Variants in SLC7A14 observed in about 807,000 individuals in gnomAD.
SLC7A14 encodes the protein gamma-aminobutyric acid transporter SLC7A14.
A neutral mutation model predicts 60.2 loss-of-function variants in SLC7A14; 37 were observed. The observed-to-expected ratio is 0.61, with a 90% CI of 0.47 to 0.81. The LOEUF is 0.81. Ranked by LOEUF, SLC7A14 falls within the 30% of genes least tolerant of loss-of-function variation. SLC7A14 has a pLI of 0.00. For missense variants in SLC7A14, 886 were observed against 982.7 expected, an observed-to-expected ratio of 0.90 and a Z score of 1.32; for synonymous variants, 399 against 395.8, an observed-to-expected ratio of 1.01 and a Z score of -0.10.
intron 4 of SLC7A14, chr3:170,495,509 CT>C: frequency 2.6e-6 from 2 of 777,842 alleles, no homozygotes; most frequent in Admixed American, 2.2e-5. Flanking sequence ...TTAGCAGCCG[CT>C]TTTACACGAA....
At chr3:170,528,738 C>G (rs1170546511) in intron 1 of SLC7A14, among the ~76,000 whole-genome samples, 1 of 152,190 alleles carries the variant, frequency 6.6e-6, no homozygotes, top group South Asian at 2.1e-4. Context: ...ATTTAACAGG[C>G]TAGAGTGTCT....
At chr3:170,542,788 C>A (rs772421190) in intron 1 of SLC7A14, among the ~76,000 whole-genome samples, 1 of 152,118 alleles carries the variant, frequency 6.6e-6, no homozygotes, top group Non-Finnish European at 1.5e-5. Flanking sequence ...AAAAGATCTT[C>A]GGAAGGACAT....
chr3:170,497,735 GT>G (rs1307464144), intron 4 of SLC7A14, among the ~76,000 whole-genome samples: 1 of 152,208 alleles, frequency 6.6e-6, no homozygotes, highest in East Asian at 1.9e-4. Context: ...CACAACATAA[GT>G]ATTTTTAGTC....
In SLC7A14 at chr3:170,480,651, A is replaced by G. The variant is rs746457289; in HGVS notation, c.1631T>C (p.Met544Thr). 9 of 1,614,134 alleles carry G rather than the reference A, an allele frequency of 5.6e-6. No homozygotes were observed. Among genetic ancestry groups the G allele is most frequent in the African/African-American group, 4.0e-5 (3 of 74,954 alleles). ...GCCTGGAAGGCCCAGCCGGATTCTCATGGTGTAATAATGAGGCCCAATCAG... is the reference window on the plus strand; with the variant it reads ...GCCTGGAAGGCCCAGCCGGATTCTCGTGGTGTAATAATGAGGCCCAATCAG... The part of the protein sequence containing the change: ...KKLIGPHYYT[M>T]RIRLGLPGKM... The change falls in exon 7 of 8, where the codon ATG (methionine) becomes ACG (threonine). Residue 544 changes from methionine (M) to threonine (T), a missense_variant. By Grantham distance (81) the Met-to-Thr change is moderately conservative (BLOSUM62 -1). Coordinates refer to ENST00000231706, the MANE Select transcript of SLC7A14 (RefSeq NM_020949.3).
intron 4 of SLC7A14, among the ~76,000 whole-genome samples, chr3:170,487,891 TG>T (rs1192283191): frequency 6.6e-6 from 1 of 152,216 alleles, no homozygotes; most frequent in Non-Finnish European, 1.5e-5. Flanking sequence ...TAACAATACC[TG>T]TGCCTGTGTC....
rs116281155 is a variant in SLC7A14, at chr3:170,476,062, C to T, written c.1993+4227G>A. ...CCCCGATGACATTGATGCTGCTGGTCTGGGGTCACACATTGAGGACCATTG... is the reference window on the plus strand; with the variant it reads ...CCCCGATGACATTGATGCTGCTGGTTTGGGGTCACACATTGAGGACCATTG... On this transcript the variant is annotated intron_variant, in intron 7 of 7. Transcript: ENST00000231706. Among the ~76,000 whole-genome samples the T allele has an allele frequency of 4.2e-3, 645 of 152,306 alleles. 7 individuals carry two copies. Among genetic ancestry groups the T allele is most frequent in the African/African-American group, 0.015 (614 of 41,566 alleles).
intron 4 of SLC7A14, among the ~76,000 whole-genome samples, chr3:170,488,745 C>T (rs377108101): frequency 9.9e-5 from 15 of 152,132 alleles, no homozygotes; most frequent in African/African-American, 3.4e-4. Flanking sequence ...ATGAAACTAC[C>T]ACAAGAAAAC....
intron 7 of SLC7A14, among the ~76,000 whole-genome samples, chr3:170,473,508 C>A (rs997729381): frequency 7.2e-5 from 11 of 152,168 alleles, no homozygotes; most frequent in African/African-American, 2.2e-4. Flanking sequence ...CACTTTCCAG[C>A]AGGAAGCTCT....
intron 2 of SLC7A14, among the ~76,000 whole-genome samples, chr3:170,517,075 C>T (rs1032472263): frequency 5.9e-5 from 9 of 152,142 alleles, no homozygotes; most frequent in South Asian, 4.2e-4. Flanking sequence ...TTAATATCCA[C>T]GTGATAGGAA....
chr3:170,565,832 GA>G (rs1313266515), intron 1 of SLC7A14, among the ~76,000 whole-genome samples: 1 of 152,064 alleles, frequency 6.6e-6, no homozygotes, highest in African/African-American at 2.4e-5. Flanking sequence ...ACAAGTGGAA[GA>G]GGGGGAAAAT....
At chr3:170,481,221 G>T (rs902550724) in intron 6 of SLC7A14, 55 bp from the exon 7 acceptor site, 12 of 1,543,522 alleles carry the variant, frequency 7.8e-6, no homozygotes, top group Non-Finnish European at 1.0e-5. Flanking sequence ...ACCGATTCCA[G>T]TGCAGCCAAC....
chr3:170,530,942 GA>G (rs1184603631), intron 1 of SLC7A14, among the ~76,000 whole-genome samples: 2 of 152,200 alleles, frequency 1.3e-5, no homozygotes, highest in Non-Finnish European at 2.9e-5. Context: ...GCCCGCTTTT[GA>G]GGGGTGGTGA....
chr3:170,466,971 G>T lies in SLC7A14; in HGVS notation c.*84C>A. 1 of 1,204,330 alleles carries T rather than the reference G, an allele frequency of 8.3e-7. No homozygotes were observed. The highest frequency in any genetic ancestry group is 1.2e-6 in the Non-Finnish European group (1 of 859,150). 74.6% of individuals were successfully genotyped at this position (1,204,330 alleles called of 1,614,324 possible). On this transcript the variant is annotated 3_prime_UTR_variant, in exon 8 of 8. Coordinates refer to ENST00000231706, the MANE Select transcript of SLC7A14 (RefSeq NM_020949.3). Reference sequence around the variant, plus strand: ...GGAAGGCTGGATTTGTGAAATGAGAGCCAAAAAAGTTTTCACCTTCTAGCC... The same window carrying T: ...GGAAGGCTGGATTTGTGAAATGAGATCCAAAAAAGTTTTCACCTTCTAGCC...
At chr3:170,529,155 A>T (rs1295253633) in intron 1 of SLC7A14, among the ~76,000 whole-genome samples, 1 of 152,258 alleles carries the variant, frequency 6.6e-6, no homozygotes, top group African/African-American at 2.4e-5. Context: ...ATAAACAACA[A>T]AGAACCACAT....
Position 170,464,116 on chromosome 3 carries a change from T to C in SLC7A14, c.*2939A>G, listed in dbSNP as rs1739663044. 6.6e-6 allele frequency: 1 copy of C among 152,264 alleles called. No individual in the cohort carries two copies. The highest frequency in any genetic ancestry group is 1.5e-5 in the Non-Finnish European group (1 of 68,044). The allele number at this position is 152,264 out of a possible 1,614,324, so 9.4% of individuals were successfully genotyped here. On this transcript the variant is annotated 3_prime_UTR_variant, in exon 8 of 8. Transcript: ENST00000231706. ...TTTCTGTTTCTATTTTTGTTTGCTC[T>C]GAGTTCCTCACTTAATTTTTGTTTT...
chr3:170,552,840 G>A (rs1170400803), intron 1 of SLC7A14, among the ~76,000 whole-genome samples: 1 of 152,116 alleles, frequency 6.6e-6, no homozygotes, highest in African/African-American at 2.4e-5. Context: ...GACTCTTTAT[G>A]GTCTGTAATA....
intron 1 of SLC7A14, among the ~76,000 whole-genome samples, chr3:170,555,463 TC>T (rs1714461546): frequency 1.3e-5 from 2 of 152,154 alleles, no homozygotes; most frequent in African/African-American, 4.8e-5. Context: ...GAATGGTTGT[TC>T]AACATTCCAC....
chr3:170,506,926 G>T (rs770381841), intron 2 of SLC7A14, among the ~76,000 whole-genome samples: 1 of 152,104 alleles, frequency 6.6e-6, no homozygotes, highest in Non-Finnish European at 1.5e-5. Flanking sequence ...ATAATATGAT[G>T]AATTCAATTA....
At position 170,526,648 on chromosome 3, in the gene SLC7A14, C is replaced by G; in HGVS notation, c.289G>C (p.Ala97Pro). 1 of 1,613,964 alleles carries G rather than the reference C, an allele frequency of 6.2e-7. No homozygotes were observed. Among genetic ancestry groups the G allele is most frequent in the Non-Finnish European group, 8.5e-7 (1 of 1,179,974 alleles). Reference sequence around the variant, plus strand: ...AGACACTTACCTGATAATATGGATGCGACGGCTGCAATGATGAAGGACACA... The same window carrying G: ...AGACACTTACCTGATAATATGGATGGGACGGCTGCAATGATGAAGGACACA... ...VIVSFIIAAV[A>P]SILSGVCYAE... Residue 97 changes from alanine to proline, a missense_variant, in exon 2 of 8, where the codon GCA becomes CCA. Coordinates refer to ENST00000231706, the MANE Select transcript of SLC7A14 (RefSeq NM_020949.3).
Sources: allele counts gnomAD v4.1 joint callset (sites outside exome capture counted in the v4.1 genomes callset), GRCh38; gene constraint gnomAD v4.1.1; transcripts MANE v1.5; gene names NCBI Gene and HGNC (gene_info 2026-07-23, HGNC 2026-07-21).